The following ASB3 variants were observed in gnomAD, a reference collection of about 807,000 sequenced individuals.
ASB3 encodes the protein ankyrin repeat and SOCS box protein 3.
In ASB3, 41 loss-of-function variants were observed where a neutral mutation model predicts 54.5. The observed-to-expected ratio is 0.75, with a 90% CI of 0.59 to 0.98. ASB3 has a LOEUF of 0.98. ASB3 is among the 50% of genes least tolerant of loss of function. The pLI is 0.00. For synonymous variants in ASB3, 266 were observed against 221.2 expected, an observed-to-expected ratio of 1.20 and a Z score of -1.80; for missense variants, 733 against 620.0, an observed-to-expected ratio of 1.18 and a Z score of -1.94.
In ASB3 at chr2:53,765,689, T is replaced by C. The variant is rs1673405232; in HGVS notation, c.-13-104A>G. 3.6e-5 allele frequency: 48 copies of C among 1,351,912 alleles called. No individual in the cohort carries two copies. The South Asian group carries it at 6.3e-4, about 18-fold the overall frequency. 83.7% of individuals were successfully genotyped at this position (1,351,912 alleles called of 1,614,324 possible). A position where few individuals can be genotyped will look rare whatever the true frequency, so the allele number is the denominator to read the frequency against. ...GCCTGTCTAGTATCTCTCACATGAC[T>C]GACGAAGAAGGGCCCACAATACAGA... On this transcript the variant is annotated intron_variant, in intron 1 of 9. Coordinates refer to ENST00000263634, the MANE Select transcript of ASB3 (RefSeq NM_016115.5).
At chr2:53,672,440 G>A (rs1319225482) in intron 9 of ASB3, among the ~76,000 whole-genome samples, 2 of 152,142 alleles carry the variant, frequency 1.3e-5, no homozygotes, top group African/African-American at 2.4e-5. Context: ...GAAGTTGCAG[G>A]AATACATATG....
chr2:53,749,366 G>A (rs1025279991), intron 3 of ASB3, among the ~76,000 whole-genome samples: 17 of 152,088 alleles, frequency 1.1e-4, no homozygotes, highest in African/African-American at 2.4e-4. Flanking sequence ...ATTACTGAAC[G>A]AAATGCAAAC....
At chr2:53,744,613 T>C (rs951136851) in intron 3 of ASB3, among the ~76,000 whole-genome samples, 1 of 152,028 alleles carries the variant, frequency 6.6e-6, no homozygotes, top group African/African-American at 2.4e-5. Context: ...TCACTGAAGA[T>C]TAATCTTCCA....
intron 7 of ASB3, among the ~76,000 whole-genome samples, chr2:53,707,320 T>C (rs1052800579): frequency 6.6e-6 from 1 of 152,192 alleles, no homozygotes; most frequent in Non-Finnish European, 1.5e-5. Context: ...ATCAGCAGCA[T>C]TGGCACCATC....
chr2:53,786,722 T>C (rs751331567), intron 1 of ASB3, 99 bp downstream of exon 1: 22 of 157,684 alleles, frequency 1.4e-4, no homozygotes, highest in Non-Finnish European at 2.5e-4. Flanking sequence ...CACTGTCTTC[T>C]TCCCGCTATC....
At chr2:53,759,813 G>A (rs544069516) in intron 2 of ASB3, among the ~76,000 whole-genome samples, 2 of 152,332 alleles carry the variant, frequency 1.3e-5, no homozygotes, top group South Asian at 4.1e-4. Flanking sequence ...AAGGTCCTCT[G>A]AGTCAGAAGC....
chr2:53,740,089 A>AGGCT (rs1288989001), intron 3 of ASB3, among the ~76,000 whole-genome samples: 1 of 152,242 alleles, frequency 6.6e-6, no homozygotes, highest in Non-Finnish European at 1.5e-5. Context: ...TTATAGCAGC[A>AGGCT]GGCTGGCTGG....
Position 53,714,386 on chromosome 2 carries a change from C to A in ASB3, c.978G>T (p.Lys326Asn), listed in dbSNP as rs1233689466. The change falls in exon 7 of 10, where the codon AAG becomes AAT. Residue 326 changes from lysine (K) to asparagine (N), a missense_variant and splice_region_variant. Lys to Asn is a moderately conservative substitution (Grantham distance 94). Transcript: ENST00000263634. ...FSSPVCMAFQ[K>N]DCEFFGIVNI... ...AAAAACATAGCAAATATACATACTC[C>A]TTTTGGAAAGCCATGCACACAGGAG... The A allele has an allele frequency of 6.2e-7, 1 of 1,614,116 alleles. No homozygotes were observed. The highest frequency in any genetic ancestry group is 1.7e-5 in the Admixed American group (1 of 60,010).
chr2:53,670,895 T>C (rs2287512), intron 9 of ASB3, among the ~76,000 whole-genome samples: 19,723 of 152,228 alleles, frequency 0.13, 1,285 homozygotes, highest in East Asian at 0.19. Context: ...TTCAGTTTGT[T>C]GGCCACACAT....
At chr2:53,676,914 G>A (rs1282520233) in intron 9 of ASB3, among the ~76,000 whole-genome samples, 2 of 152,074 alleles carry the variant, frequency 1.3e-5, no homozygotes, top group Admixed American at 6.6e-5. Flanking sequence ...GATTACAGGC[G>A]CCTGCCACCA....
intron 7 of ASB3, 116 bp from the exon 8 acceptor site, chr2:53,700,644 T>G: frequency 7.2e-7 from 1 of 1,385,744 alleles, no homozygotes; most frequent in East Asian, 2.5e-5. Flanking sequence ...GATTAAATAG[T>G]GGATGGTTTC....
At chr2:53,769,352 G>A (rs1473706305) in intron 1 of ASB3, among the ~76,000 whole-genome samples, 3 of 152,162 alleles carry the variant, frequency 2.0e-5, no homozygotes, top group Admixed American at 6.5e-5. Flanking sequence ...TTGCCATTCC[G>A]AAAAGAAAAC....
chr2:53,714,627 A>G, intron 6 of ASB3, 46 bp from the exon 7 acceptor site: 1 of 1,580,352 alleles, frequency 6.3e-7, no homozygotes, highest in Non-Finnish European at 8.6e-7. Context: ...GTATATGTGC[A>G]TAAATGTAGG....
chr2:53,767,795 C>T (rs1340475671), intron 1 of ASB3: 3 of 1,490,936 alleles, frequency 2.0e-6, no homozygotes, highest in South Asian at 1.3e-5. Flanking sequence ...GCGCCCCGCG[C>T]GGCCGGTTAC....
At chr2:53,771,009 A>G (rs946517055) in intron 1 of ASB3, among the ~76,000 whole-genome samples, 6 of 152,204 alleles carry the variant, frequency 3.9e-5, no homozygotes, top group African/African-American at 1.4e-4. Context: ...TGGTTCTTAA[A>G]GTATGAGCCC....
intron 3 of ASB3, among the ~76,000 whole-genome samples, chr2:53,740,366 G>A (rs971274881): frequency 3.9e-5 from 6 of 152,084 alleles, no homozygotes; most frequent in Admixed American, 2.0e-4. Context: ...TGTTCATACT[G>A]ACATCTGGTG....
At chr2:53,727,052 T>TA (rs1175122995) in intron 5 of ASB3, among the ~76,000 whole-genome samples, 1 of 152,108 alleles carries the variant, frequency 6.6e-6, no homozygotes, top group East Asian at 1.9e-4. Context: ...TATGATGTAG[T>TA]AGAAGGAAGA....
intron 3 of ASB3, among the ~76,000 whole-genome samples, chr2:53,743,848 G>A (rs1424105857): frequency 3.9e-5 from 6 of 151,982 alleles, no homozygotes; most frequent in Admixed American, 3.9e-4. Flanking sequence ...TTTGAGACCA[G>A]CCTGGCCAAC....
Position 53,767,740 on chromosome 2 carries a change from T to C in ASB3, c.-13-2155A>G, listed in dbSNP as rs528555188. 23 of 892,194 alleles carry C rather than the reference T, an allele frequency of 2.6e-5. No individual in the cohort carries two copies. In the South Asian group the frequency reaches 3.9e-4, roughly 15 times the overall value. The allele number at this position is 892,194 out of a possible 1,614,324, so 55.3% of individuals were successfully genotyped here. A position where few individuals can be genotyped will look rare whatever the true frequency, so the allele number is the denominator to read the frequency against. On this transcript the variant is annotated intron_variant, in intron 1 of 9. Coordinates refer to ENST00000263634, the MANE Select transcript of ASB3 (RefSeq NM_016115.5). ...GATCCGCTCGGAAAATCTTTCTGGATCTAAACTCCCAGTGCGCTTTGCGCC... is the reference window on the plus strand; with the variant it reads ...GATCCGCTCGGAAAATCTTTCTGGACCTAAACTCCCAGTGCGCTTTGCGCC...
Sources: gnomAD v4.1 joint callset for allele counts (sites outside exome capture counted in the v4.1 genomes callset) on GRCh38, gnomAD v4.1.1 for gene constraint, MANE v1.5 for transcripts, NCBI Gene and HGNC (gene_info 2026-07-23, HGNC 2026-07-21) for gene names.